The following MPZL1 variants were observed in gnomAD, a reference collection of about 807,000 sequenced individuals.
MPZL1 encodes the protein myelin protein zero-like protein 1.
Under a neutral mutation model 29.3 loss-of-function variants are expected in MPZL1, and 16 were observed. The ratio of observed to expected loss-of-function variants is 0.55; its 90% confidence interval spans 0.37 to 0.83. The LOEUF is 0.83. MPZL1 is among the 40% of genes least tolerant of loss of function. The pLI, the probability that MPZL1 is intolerant of heterozygous loss-of-function variation, is 0.00. For missense variants in MPZL1, 279 were observed against 332.9 expected (o/e 0.84, Z 1.26); for synonymous variants, 143 against 132.0 (o/e 1.08, Z -0.57).
At chr1:167,767,792 C>CT (rs58079089) in intron 2 of MPZL1, among the ~76,000 whole-genome samples, 10,516 of 58,084 alleles carry the variant, frequency 0.18, 2,423 homozygotes, top group Middle Eastern at 0.34. Flanking sequence ...CCCTTTTCTG[C>CT]TTTTTTTTTT....
intron 1 of MPZL1, among the ~76,000 whole-genome samples, chr1:167,762,725 A>G (rs1006904626): frequency 2.6e-5 from 4 of 152,252 alleles, no homozygotes; most frequent in Admixed American, 2.0e-4. Flanking sequence ...AGGTATGACC[A>G]TAGAAATGAG....
At chr1:167,743,629 A>C (rs1169384390) in intron 1 of MPZL1, among the ~76,000 whole-genome samples, 1 of 149,932 alleles carries the variant, frequency 6.7e-6, no homozygotes, top group Non-Finnish European at 1.5e-5. Context: ...CTCCTTGGTT[A>C]GGTATATTCC....
At chr1:167,739,116 G>A (rs2184961) in intron 1 of MPZL1, among the ~76,000 whole-genome samples, 148,957 of 151,368 alleles carry the variant, frequency 0.98, 73,300 homozygotes, top group East Asian at 1. Flanking sequence ...TAAGCTTTGT[G>A]TTTTTTGGTA....
intron 1 of MPZL1, among the ~76,000 whole-genome samples, chr1:167,748,955 A>T (rs74120652): frequency 1.4e-3 from 210 of 152,318 alleles, no homozygotes; most frequent in African/African-American, 4.5e-3. Flanking sequence ...ATGGAGATTT[A>T]CACAAACATT....
chr1:167,755,251 A>G lies in MPZL1; in HGVS notation c.92-10332A>G, dbSNP rs571481817. On this transcript the variant is annotated intron_variant, in intron 1 of 5. Transcript: ENST00000359523. ...TCTTATTGCCATCGACCGTAGGCGTATTCTTTCCAATCTCTTGTTCTGTCC... is the reference window on the plus strand; with the variant it reads ...TCTTATTGCCATCGACCGTAGGCGTGTTCTTTCCAATCTCTTGTTCTGTCC... 2.1e-4 allele frequency among the ~76,000 whole-genome samples: 32 copies of G among 152,302 alleles called. No homozygotes were observed. In the South Asian group the frequency reaches 6.0e-3, roughly 29 times the overall value.
intron 5 of MPZL1, among the ~76,000 whole-genome samples, chr1:167,781,663 C>G (rs796931910): frequency 6.3e-4 from 96 of 152,074 alleles, no homozygotes; most frequent in African/African-American, 2.1e-3. Context: ...TCTGAAGAAA[C>G]TAGAAAAAGA....
chr1:167,750,417 G>T (rs1220027062), intron 1 of MPZL1, among the ~76,000 whole-genome samples: 1 of 152,072 alleles, frequency 6.6e-6, no homozygotes, highest in Non-Finnish European at 1.5e-5. Flanking sequence ...GGTTAGGCTG[G>T]TCTCTAACTC....
rs1571167076 is a variant in MPZL1, at chr1:167,773,386, T to C, written c.605+18T>C. 6.2e-7 allele frequency: 1 copy of C among 1,608,274 alleles called. No individual in the cohort carries two copies. Among genetic ancestry groups the C allele is most frequent in the Non-Finnish European group, 8.5e-7 (1 of 1,177,906 alleles). ...TACACTGGGTAAGAAACACTGTTTT[T>C]TTAGGGCAGGGGTGGAGGGAGGGAA... On this transcript the variant is annotated intron_variant, in intron 4 of 5. Transcript: ENST00000359523.
chr1:167,786,155 C>G (rs1175435281), intron 5 of MPZL1, among the ~76,000 whole-genome samples: 1 of 152,098 alleles, frequency 6.6e-6, no homozygotes, highest in African/African-American at 2.4e-5. Context: ...TTGTAGCTTT[C>G]TGAGATGAAT....
At chr1:167,759,026 G>A (rs1558118138) in intron 1 of MPZL1, among the ~76,000 whole-genome samples, 1 of 152,060 alleles carries the variant, frequency 6.6e-6, no homozygotes, top group East Asian at 1.9e-4. Context: ...TCATTTCTGT[G>A]TTTTTATTCC....
At chr1:167,765,327 A>G (rs1661089981) in intron 1 of MPZL1, 1 of 207,710 alleles carries the variant, frequency 4.8e-6, no homozygotes, top group Non-Finnish European at 9.6e-6. Flanking sequence ...AGTTTAAAAA[A>G]AAAATTCAAT....
intron 1 of MPZL1, among the ~76,000 whole-genome samples, chr1:167,723,395 A>G (rs12074786): frequency 0.038 from 5,749 of 152,356 alleles, 352 homozygotes; most frequent in African/African-American, 0.13. Context: ...GCTGTAAAGC[A>G]TAAATGTAAA....
intron 1 of MPZL1, among the ~76,000 whole-genome samples, chr1:167,761,529 A>G (rs1031278760): frequency 1.3e-5 from 2 of 152,230 alleles, no homozygotes; most frequent in East Asian, 3.9e-4. Flanking sequence ...TTCTCTTCTC[A>G]TTGCTTCTGT....
rs958310254 is a variant in MPZL1 at position 167,732,409 on chromosome 1, C to CA, written c.91+10175dup. Among the ~76,000 whole-genome samples, 8 of 151,608 alleles carry CA rather than the reference C, an allele frequency of 5.3e-5. No homozygotes were observed. The South Asian group carries it at 6.2e-4, about 12-fold the overall frequency. On this transcript the variant is annotated intron_variant, in intron 1 of 5. Coordinates refer to ENST00000359523, the MANE Select transcript of MPZL1 (RefSeq NM_003953.6). ...ACCCTGTCCCAAAAACAAAAACAAA[C>CA]AAAAAAAATACAAAATACAGTTTAG...
chr1:167,728,354 C>T (rs1482647454), intron 1 of MPZL1, among the ~76,000 whole-genome samples: 59 of 119,134 alleles, frequency 5.0e-4, no homozygotes, highest in Admixed American at 1.0e-3. Context: ...TTTTTTCTTT[C>T]TTTCTTTCTT....
chr1:167,777,762 TC>T (rs577880380), intron 5 of MPZL1, among the ~76,000 whole-genome samples: 2 of 152,142 alleles, frequency 1.3e-5, no homozygotes, highest in Non-Finnish European at 2.9e-5. Flanking sequence ...TAGTTTGTGT[TC>T]CTAAGAGCCA....
intron 1 of MPZL1, among the ~76,000 whole-genome samples, chr1:167,722,444 C>T (rs1427324853): frequency 1.3e-5 from 2 of 152,216 alleles, no homozygotes; most frequent in Non-Finnish European, 2.9e-5. Flanking sequence ...CGCAGAGCCT[C>T]TTTCTTCTCT....
intron 1 of MPZL1, among the ~76,000 whole-genome samples, chr1:167,736,287 T>C (rs1660375993): frequency 6.6e-6 from 1 of 152,226 alleles, no homozygotes; most frequent in Non-Finnish European, 1.5e-5. Flanking sequence ...CATTTTTGTC[T>C]GTTTGTTGAC....
At chr1:167,763,843 C>A (rs1661050104) in intron 1 of MPZL1, among the ~76,000 whole-genome samples, 4 of 152,186 alleles carry the variant, frequency 2.6e-5, no homozygotes, top group Admixed American at 2.6e-4. Flanking sequence ...TAATAATCCA[C>A]CCTCTTTCGC....
Sources: allele counts gnomAD v4.1 joint callset (sites outside exome capture counted in the v4.1 genomes callset), GRCh38; gene constraint gnomAD v4.1.1; transcripts MANE v1.5; gene names NCBI Gene and HGNC (gene_info 2026-07-23, HGNC 2026-07-21).